The following RPS6KA2 variants were observed in gnomAD, a reference collection of about 807,000 sequenced individuals.
The protein encoded by RPS6KA2 is ribosomal protein S6 kinase A2.
A neutral mutation model predicts 91.8 loss-of-function variants in RPS6KA2; 42 were observed. The ratio of observed to expected loss-of-function variants is 0.46; its 90% confidence interval spans 0.36 to 0.59. RPS6KA2 has a LOEUF of 0.59. Among genes scored for constraint, RPS6KA2 ranks in the 20% least tolerant of loss-of-function variants. The pLI, the probability that RPS6KA2 is intolerant of heterozygous loss-of-function variation, is 0.00. For synonymous variants in RPS6KA2, 414 were observed against 393.6 expected (o/e 1.05, Z -0.61); for missense variants, 798 against 978.5 (o/e 0.82, Z 2.46).
chr6:166,646,670 G>A (rs1013569637), intron 2 of RPS6KA2, among the ~76,000 whole-genome samples: 44 of 152,302 alleles, frequency 2.9e-4, no homozygotes, highest in African/African-American at 1.0e-3. Flanking sequence ...CGTTTCACCA[G>A]GGGCTCCTCA....
chr6:166,842,004 C>T (rs929042696), intron 2 of RPS6KA2, among the ~76,000 whole-genome samples: 2 of 152,084 alleles, frequency 1.3e-5, no homozygotes, highest in African/African-American at 2.4e-5. Context: ...CGAACAAAAG[C>T]CAGTGCCCAG....
chr6:166,471,465 A>T (rs1780766855), intron 10 of RPS6KA2, among the ~76,000 whole-genome samples: 1 of 152,248 alleles, frequency 6.6e-6, no homozygotes, highest in Non-Finnish European at 1.5e-5. Context: ...CCATGGTGCT[A>T]GGAACGAACC....
intron 1 of RPS6KA2, among the ~76,000 whole-genome samples, chr6:166,607,674 G>A (rs889259272): frequency 6.6e-6 from 1 of 152,182 alleles, no homozygotes; most frequent in African/African-American, 2.4e-5. Flanking sequence ...TACAGATGTG[G>A]TAACAGTTGC....
chr6:166,767,774 A>AC lies in RPS6KA2; in HGVS notation c.123+90425_123+90426insG, dbSNP rs1778357017. On this transcript the variant is annotated intron_variant, in intron 2 of 21. Coordinates refer to the RPS6KA2 transcript ENST00000503859. The surrounding 1 kb of genome is among the most constrained non-coding windows in gnomAD (Gnocchi z 4.6). ...AAGAACTAAAGACAATACCTCCTCA[A>AC]ACACACACACACACACACACACACA... is the stretch of plus-strand genomic sequence containing the variant. 1.2e-4 allele frequency among the ~76,000 whole-genome samples: 17 copies of AC among 146,956 alleles called. No homozygotes were observed. Among genetic ancestry groups the AC allele is most frequent in the South Asian group, 9.1e-4 (4 of 4,416 alleles).
intron 2 of RPS6KA2, among the ~76,000 whole-genome samples, chr6:166,744,836 C>T (rs1357417902): frequency 1.3e-5 from 2 of 152,186 alleles, no homozygotes; most frequent in Non-Finnish European, 2.9e-5. Flanking sequence ...ACCCTCAGTA[C>T]TGGGCCCTCC....
chr6:166,463,903 G>A (rs998737781), intron 11 of RPS6KA2, among the ~76,000 whole-genome samples: 1 of 152,200 alleles, frequency 6.6e-6, no homozygotes, highest in Non-Finnish European at 1.5e-5. Context: ...GCGGGACTGT[G>A]CCTGCAGTTT....
intron 1 of RPS6KA2, among the ~76,000 whole-genome samples, chr6:166,559,087 G>A (rs888550120): frequency 1.3e-5 from 2 of 152,182 alleles, no homozygotes; most frequent in South Asian, 2.1e-4. Context: ...TCTTCATGAG[G>A]ATTAGATCTG....
chr6:166,617,078 A>G (rs1436574993), intron 1 of RPS6KA2, among the ~76,000 whole-genome samples: 2 of 152,228 alleles, frequency 1.3e-5, no homozygotes, highest in African/African-American at 4.8e-5. Flanking sequence ...GAAGGCAGTC[A>G]CAGGCTGGAA....
intron 1 of RPS6KA2, among the ~76,000 whole-genome samples, chr6:166,614,676 C>T (rs1562342617): frequency 2.0e-5 from 3 of 152,098 alleles, no homozygotes; most frequent in Admixed American, 6.5e-5. Context: ...ATCCATTTTG[C>T]TGGTGTTGGC....
chr6:166,424,932 G>T (rs1562484986), intron 16 of RPS6KA2, among the ~76,000 whole-genome samples: 1 of 152,128 alleles, frequency 6.6e-6, no homozygotes, highest in African/African-American at 2.4e-5. Context: ...TGCTGCTTTG[G>T]CATAAGGATT....
At chr6:166,547,625 G>C (rs1783871220) in intron 1 of RPS6KA2, among the ~76,000 whole-genome samples, 1 of 152,274 alleles carries the variant, frequency 6.6e-6, no homozygotes. Flanking sequence ...GGCAGGCAGA[G>C]TGATGGCGGC....
At chr6:166,582,449 A>G (rs1785051496) in intron 1 of RPS6KA2, among the ~76,000 whole-genome samples, 1 of 152,246 alleles carries the variant, frequency 6.6e-6, no homozygotes, top group Admixed American at 6.5e-5. Flanking sequence ...GCTGCTCACC[A>G]CCATGACCTC....
chr6:166,697,997 G>C (rs1374542091), intron 2 of RPS6KA2, among the ~76,000 whole-genome samples: 2 of 152,200 alleles, frequency 1.3e-5, no homozygotes, highest in African/African-American at 4.8e-5. Context: ...AGTGGGGAAA[G>C]AGTCGATAGT....
At chr6:166,515,237 C>T (rs557056183) in intron 3 of RPS6KA2, among the ~76,000 whole-genome samples, 1 of 152,226 alleles carries the variant, frequency 6.6e-6, no homozygotes, top group Admixed American at 6.5e-5. Context: ...AGACAGTCCA[C>T]CAGGTGGGGA....
intron 2 of RPS6KA2, among the ~76,000 whole-genome samples, chr6:166,714,426 C>T (rs1205270896): frequency 1.3e-5 from 2 of 152,196 alleles, no homozygotes; most frequent in Admixed American, 6.5e-5. Flanking sequence ...ATTGTATACC[C>T]TCAAAAAGAT....
chr6:166,568,750 G>A (rs1232401881), intron 1 of RPS6KA2, among the ~76,000 whole-genome samples: 1 of 151,604 alleles, frequency 6.6e-6, no homozygotes, highest in African/African-American at 2.4e-5. Context: ...CTGCCCTGGA[G>A]GTGACTGTGC....
chr6:166,553,852 A>C (rs916190098), intron 1 of RPS6KA2, among the ~76,000 whole-genome samples: 4 of 152,228 alleles, frequency 2.6e-5, no homozygotes, highest in Non-Finnish European at 5.9e-5. Flanking sequence ...CTTCTTTCTC[A>C]GAATGACAGC....
chr6:166,425,288 C>T (rs2128442697), intron 16 of RPS6KA2, among the ~76,000 whole-genome samples: 1 of 152,024 alleles, frequency 6.6e-6, no homozygotes, highest in African/African-American at 2.4e-5. Flanking sequence ...TCTTTTAGGG[C>T]TCCTGAAGGA....
Position 166,459,475 on chromosome 6 carries a change from G to C in RPS6KA2, c.1049C>G (p.Pro350Arg). 1 of 1,614,038 alleles carries C rather than the reference G, an allele frequency of 6.2e-7. No individual in the cohort carries two copies. Among genetic ancestry groups the C allele is most frequent in the Non-Finnish European group, 8.5e-7 (1 of 1,179,940 alleles). The change falls in exon 12 of 21, where the codon CCC (proline) becomes CGC (arginine). Residue 350 changes from proline (P) to arginine (R), a missense_variant. Coordinates refer to ENST00000265678, the MANE Select transcript of RPS6KA2 (RefSeq NM_021135.6). This position sits in a 1 kb window ranked among gnomAD's most constrained non-coding sequence, Gnocchi z 4.9. ...GRPEDTFHFD[P>R]EFTARTPTDS... Reference sequence around the variant, plus strand: ...TGTGGGCGTCCGCGCTGTGAACTCGGGGTCAAAGTGGAAGGTGTCCTCAGG... The same window carrying C: ...TGTGGGCGTCCGCGCTGTGAACTCGCGGTCAAAGTGGAAGGTGTCCTCAGG...
Sources: allele counts gnomAD v4.1 joint callset (sites outside exome capture counted in the v4.1 genomes callset), GRCh38; gene constraint gnomAD v4.1.1; non-coding constraint Gnocchi (gnomAD v3.1); transcripts MANE v1.5; gene names NCBI Gene and HGNC (gene_info 2026-07-23, HGNC 2026-07-21).